The following PKHD1 variants were observed in gnomAD, a reference collection of about 807,000 sequenced individuals.
The protein encoded by PKHD1 is fibrocystin.
In PKHD1, 291 loss-of-function variants were observed where a neutral mutation model predicts 412.0. That is an observed-to-expected ratio of 0.71 (90% CI 0.64 to 0.78). The LOEUF (loss-of-function observed/expected upper bound fraction) is 0.78. Ranked by LOEUF, PKHD1 falls within the 30% of genes least tolerant of loss-of-function variation. The pLI is 0.00. For missense variants in PKHD1, 4,825 were observed against 4,950.7 expected, an observed-to-expected ratio of 0.97 and a Z score of 0.76; for synonymous variants, 1,777 against 1,821.5, an observed-to-expected ratio of 0.98 and a Z score of 0.62.
At chr6:51,948,864 G>A (rs1352495847) in intron 36 of PKHD1, among the ~76,000 whole-genome samples, 1 of 152,182 alleles carries the variant, frequency 6.6e-6, no homozygotes, top group Non-Finnish European at 1.5e-5. Flanking sequence ...TGTAGACATA[G>A]GCTCAACGAA....
intron 50 of PKHD1, 42 bp downstream of exon 50, chr6:51,847,732 CT>C (rs1562452538): frequency 2.2e-6 from 3 of 1,363,956 alleles, no homozygotes; most frequent in Admixed American, 3.4e-5. Flanking sequence ...TTGGTGATTT[CT>C]GACTATGTGC....
At chr6:52,041,345 G>T (rs1804850779) in intron 27 of PKHD1, among the ~76,000 whole-genome samples, 1 of 152,172 alleles carries the variant, frequency 6.6e-6, no homozygotes, top group Non-Finnish European at 1.5e-5. Flanking sequence ...AATTCAGAAG[G>T]TCTGGGGTGG....
intron 52 of PKHD1, among the ~76,000 whole-genome samples, chr6:51,827,449 T>A (rs186701485): frequency 4.3e-4 from 65 of 152,284 alleles, no homozygotes; most frequent in African/African-American, 1.5e-3. Context: ...TTACAGCTTG[T>A]CCAATGTCAC....
At chr6:51,855,352 T>C (rs1341117217) in intron 49 of PKHD1, among the ~76,000 whole-genome samples, 1 of 152,248 alleles carries the variant, frequency 6.6e-6, no homozygotes, top group African/African-American at 2.4e-5. Flanking sequence ...CGTCTCTGTT[T>C]CTAGTAAGCC....
chr6:51,954,822 T>C (rs1790875705), intron 36 of PKHD1, among the ~76,000 whole-genome samples: 1 of 151,996 alleles, frequency 6.6e-6, no homozygotes. Context: ...AATTGACCCT[T>C]TCATTAATCA....
chr6:52,065,826 C>A, intron 12 of PKHD1, 150 bp downstream of exon 12: 1 of 656,610 alleles, frequency 1.5e-6, no homozygotes, highest in Non-Finnish European at 2.8e-6. Context: ...AAAATCCCAC[C>A]TGGTCTCAAC....
chr6:51,968,961 G>C (rs1004799481), intron 35 of PKHD1, among the ~76,000 whole-genome samples: 4 of 152,220 alleles, frequency 2.6e-5, no homozygotes, highest in African/African-American at 9.6e-5. Context: ...AGTAGAGCCT[G>C]TGAATATGAT....
intron 43 of PKHD1, among the ~76,000 whole-genome samples, chr6:51,894,179 C>G (rs1334887347): frequency 6.6e-6 from 1 of 152,306 alleles, no homozygotes; most frequent in South Asian, 2.1e-4. Flanking sequence ...TGAGGGAAGA[C>G]AGCCTGAGGG....
intron 36 of PKHD1, among the ~76,000 whole-genome samples, chr6:51,947,806 G>T (rs960619914): frequency 3.9e-5 from 6 of 152,042 alleles, no homozygotes; most frequent in African/African-American, 1.5e-4. Context: ...CTCCAAGCTT[G>T]TGCCCTCAGC....
Position 51,632,518 on chromosome 6 carries a change from T to C in PKHD1, c.11665+47A>G, listed in dbSNP as rs1768047436. On this transcript the variant is annotated intron_variant, in intron 65 of 66. Transcript: ENST00000371117. ...TCATTAATATGTTATGTATGATGAC[T>C]TTTTTTTCAGAAATTTTCATTCCAA... 7 of 1,490,082 alleles carry C rather than the reference T, an allele frequency of 4.7e-6. 1 individual carries two copies. In the South Asian group the frequency reaches 6.9e-5, roughly 15 times the overall value. The allele number at this position is 1,490,082 out of a possible 1,614,324, so 92.3% of individuals were successfully genotyped here.
In PKHD1 at chr6:51,913,919, A is replaced by C. The variant is rs1165978604; in HGVS notation, c.6122-1343T>G. On this transcript the variant is annotated intron_variant, in intron 37 of 66. Transcript: ENST00000371117. ...ACATAAATCATCCCAAAAGAAAATAATTTTAACTTTATTTCTTGTTTGTAT... is the reference window on the plus strand; with the variant it reads ...ACATAAATCATCCCAAAAGAAAATACTTTTAACTTTATTTCTTGTTTGTAT... Among the ~76,000 whole-genome samples the C allele has an allele frequency of 2.6e-5, 4 of 152,110 alleles. No individual in the cohort carries two copies. The East Asian group carries it at 7.7e-4, about 29-fold the overall frequency.
At chr6:52,030,907 C>T (rs1219122502) in intron 29 of PKHD1, among the ~76,000 whole-genome samples, 1 of 152,100 alleles carries the variant, frequency 6.6e-6, no homozygotes, top group Non-Finnish European at 1.5e-5. Flanking sequence ...ACGCTGAAAA[C>T]AAGTGGATGT....
In PKHD1 at chr6:51,814,686, A is replaced by C. The variant is rs375931856; in HGVS notation, c.8302+16175T>G. ...CCATCAGCTCCTCAGGTGCTGAGCC[A>C]CAGGAGGCCTGTCAACTGCTCAGGT... On this transcript the variant is annotated intron_variant, in intron 52 of 66. Coordinates refer to ENST00000371117, the MANE Select transcript of PKHD1 (RefSeq NM_138694.4). 1.3e-5 allele frequency among the ~76,000 whole-genome samples: 2 copies of C among 152,168 alleles called. 1 individual carries two copies. Among genetic ancestry groups the C allele is most frequent in the South Asian group, 4.1e-4 (2 of 4,830 alleles).
At chr6:51,703,927 G>A (rs983002732) in intron 60 of PKHD1, among the ~76,000 whole-genome samples, 3 of 152,014 alleles carry the variant, frequency 2.0e-5, no homozygotes, top group African/African-American at 7.2e-5. Context: ...TGGAGGGAAT[G>A]CAGACCATTC....
chr6:52,007,481 G>A (rs1039737928), intron 35 of PKHD1, among the ~76,000 whole-genome samples: 2 of 152,184 alleles, frequency 1.3e-5, no homozygotes, highest in African/African-American at 4.8e-5. Flanking sequence ...CCAGGCCAAG[G>A]TAGGGAAATT....
chr6:51,788,946 C>T (rs1037047250), intron 53 of PKHD1, among the ~76,000 whole-genome samples: 1 of 152,156 alleles, frequency 6.6e-6, no homozygotes, highest in African/African-American at 2.4e-5. Context: ...GGTTGACTTG[C>T]TTAAGGTCAA....
chr6:52,067,543 G>A lies in PKHD1; in HGVS notation c.779-1466C>T, dbSNP rs940169865. 5.9e-5 allele frequency among the ~76,000 whole-genome samples: 9 copies of A among 152,246 alleles called. No individual in the cohort carries two copies. The South Asian group carries it at 8.3e-4, about 14-fold the overall frequency. ...AAACTATCATTTAATACCTTGGGTC[G>A]GAGAAATTAGAGAGTATATGAAAGA... On this transcript the variant is annotated intron_variant, in intron 11 of 66. Transcript: ENST00000371117.
chr6:51,852,583 T>G (rs1208461853), intron 49 of PKHD1, among the ~76,000 whole-genome samples: 1 of 152,210 alleles, frequency 6.6e-6, no homozygotes, highest in Non-Finnish European at 1.5e-5. Context: ...ATCTGGGTGC[T>G]CCTGTATTGG....
At position 51,841,397 on chromosome 6, in the gene PKHD1, T is replaced by TC. The variant is rs780531736; in HGVS notation, c.8108-4929dup. Among the ~76,000 whole-genome samples, 289 of 149,556 alleles carry TC rather than the reference T, an allele frequency of 1.9e-3. 1 individual carries two copies. Among genetic ancestry groups the TC allele is most frequent in the Non-Finnish European group, 3.1e-3 (205 of 66,322 alleles). ...TTTCCTTTCTCCTCCTCTCCTCTTCTCTCCTCTCCTCTCCTTTCCTTCCTT... is the reference window on the plus strand; with the variant it reads ...TTTCCTTTCTCCTCCTCTCCTCTTCTCCTCCTCTCCTCTCCTTTCCTTCCTT... On this transcript the variant is annotated intron_variant, in intron 50 of 66. Transcript: ENST00000371117.
Sources: gnomAD v4.1 joint callset for allele counts (sites outside exome capture counted in the v4.1 genomes callset) on GRCh38, gnomAD v4.1.1 for gene constraint, MANE v1.5 for transcripts, NCBI Gene and HGNC (gene_info 2026-07-23, HGNC 2026-07-21) for gene names.